Variants in LRP8 observed in about 807,000 individuals in gnomAD.
LRP8 encodes low-density lipoprotein receptor-related protein 8.
Under a neutral mutation model 111.6 loss-of-function variants are expected in LRP8, and 46 were observed. The observed-to-expected ratio is 0.41, with a 90% CI of 0.33 to 0.53. The LOEUF (loss-of-function observed/expected upper bound fraction) is 0.53, where lower values mean the gene tolerates loss of function less well. LRP8 is among the 20% of genes least tolerant of loss of function. The probability of loss-of-function intolerance (pLI) is 0.20; values close to 1 mark genes in which losing one functional copy is unlikely to be tolerated. For synonymous variants in LRP8, 464 were observed against 511.2 expected, an observed-to-expected ratio of 0.91 and a Z score of 1.24; for missense variants, 959 against 1,297.4, an observed-to-expected ratio of 0.74 and a Z score of 4.01.
chr1:53,295,676 T>C (rs1301040428), intron 2 of LRP8, among the ~76,000 whole-genome samples: 2 of 152,086 alleles, frequency 1.3e-5, no homozygotes, highest in African/African-American at 4.8e-5. Flanking sequence ...ACACTTATTA[T>C]TTTCCCCCTT....
chr1:53,253,882 A>G (rs1189056945), intron 16 of LRP8, among the ~76,000 whole-genome samples: 1 of 152,226 alleles, frequency 6.6e-6, no homozygotes, highest in Non-Finnish European at 1.5e-5. Flanking sequence ...ATCATAGCAC[A>G]TAATGACATG....
At chr1:53,254,876 G>C (rs1029546868) in intron 16 of LRP8, among the ~76,000 whole-genome samples, 1 of 152,092 alleles carries the variant, frequency 6.6e-6, no homozygotes, top group Non-Finnish European at 1.5e-5. Flanking sequence ...GGAGTGTAGA[G>C]TGTGAATCGA....
chr1:53,305,657 T>C (rs1471380841), intron 2 of LRP8: 2 of 152,254 alleles, frequency 1.3e-5, no homozygotes, highest in African/African-American at 4.8e-5. Context: ...ACAATGGTTA[T>C]AACGCCAAGC....
Position 53,277,024 on chromosome 1 carries a change from A to G in LRP8, c.551T>C (p.Phe184Ser). 2.6e-6 allele frequency: 4 copies of G among 1,521,376 alleles called. No homozygotes were observed. Among genetic ancestry groups the G allele is most frequent in the Non-Finnish European group, 3.5e-6 (4 of 1,139,094 alleles). 94.2% of individuals were successfully genotyped at this position (1,521,376 alleles called of 1,614,324 possible). A position where few individuals can be genotyped will look rare whatever the true frequency, so the allele number is the denominator to read the frequency against. ...ACAGTCGTCGTCGCCGTCGCACACG[A>G]ACACGGCGGCCAGGCACGAGCGGTT... ...CGNRSCLAAV[F>S]VCDGDDDCGD... is the part of the protein sequence containing the mutation. Residue 184 changes from phenylalanine (F) to serine (S), a missense_variant, in exon 5 of 19, where the codon TTC becomes TCC. Transcript: ENST00000306052.
chr1:53,315,080 G>A (rs1020335303), intron 2 of LRP8, among the ~76,000 whole-genome samples: 3 of 152,162 alleles, frequency 2.0e-5, no homozygotes, highest in African/African-American at 7.2e-5. Context: ...ACAAAGCCAG[G>A]GGCCAGGCAG....
chr1:53,320,345 G>A (rs1280380269), intron 2 of LRP8, among the ~76,000 whole-genome samples: 1 of 152,198 alleles, frequency 6.6e-6, no homozygotes, highest in Non-Finnish European at 1.5e-5. Flanking sequence ...GGGTGGGGGT[G>A]GGAGGGGGAA....
intron 2 of LRP8, among the ~76,000 whole-genome samples, chr1:53,312,749 G>GT (rs763238283): frequency 2.6e-5 from 4 of 152,148 alleles, no homozygotes; most frequent in Admixed American, 6.5e-5. Flanking sequence ...AGAGAGCAGT[G>GT]GCCAGGGCTT....
chr1:53,259,788 A>G (rs184290378), intron 13 of LRP8, among the ~76,000 whole-genome samples: 9 of 152,274 alleles, frequency 5.9e-5, no homozygotes, highest in Admixed American at 4.6e-4. Context: ...TCCAAAGCCC[A>G]TAAGCCCGCG....
intron 1 of LRP8, 76 bp from the exon 2 acceptor site, chr1:53,327,068 AAG>A: frequency 6.4e-7 from 1 of 1,568,834 alleles, no homozygotes; most frequent in Non-Finnish European, 8.6e-7. Context: ...GGCCACCCGG[AAG>A]GACCCGCTGG....
rs61188489 is a variant in LRP8, at chr1:53,311,665, C to T, written c.244+15208G>A. Reference sequence around the variant, plus strand: ...CCCTACTCCTCTGTCTCTGCCTTCTCTTCCATCTGTCTCCATCTCTCCCTA... The same window carrying T: ...CCCTACTCCTCTGTCTCTGCCTTCTTTTCCATCTGTCTCCATCTCTCCCTA... On this transcript the variant is annotated intron_variant, in intron 2 of 18. Transcript: ENST00000306052. Among the ~76,000 whole-genome samples the T allele has an allele frequency of 2.3e-3, 355 of 151,806 alleles. 1 individual carries two copies. The highest frequency in any genetic ancestry group is 8.2e-3 in the African/African-American group (338 of 41,154).
Position 53,303,465 on chromosome 1 carries a change from C to T in LRP8, c.245-13776G>A, listed in dbSNP as rs542865267. Reference sequence around the variant, plus strand: ...CATGGCAACCTCAGCAAAGCAATTGCACTCCTCCCAAGACCCAGTCAGGAA... The same window carrying T: ...CATGGCAACCTCAGCAAAGCAATTGTACTCCTCCCAAGACCCAGTCAGGAA... On this transcript the variant is annotated intron_variant, in intron 2 of 18. Coordinates refer to ENST00000306052, the MANE Select transcript of LRP8 (RefSeq NM_004631.5). This position sits in a 1 kb window ranked among gnomAD's most constrained non-coding sequence, Gnocchi z 4.3. Among the ~76,000 whole-genome samples, 4 of 152,342 alleles carry T rather than the reference C, an allele frequency of 2.6e-5. No homozygotes were observed. The South Asian group carries it at 8.3e-4, about 32-fold the overall frequency.
At chr1:53,296,086 A>C (rs1303940969) in intron 2 of LRP8, among the ~76,000 whole-genome samples, 2 of 152,158 alleles carry the variant, frequency 1.3e-5, no homozygotes, top group Non-Finnish European at 2.9e-5. Context: ...CAGAGCAGGG[A>C]CACGTCTAGA....
intron 2 of LRP8, among the ~76,000 whole-genome samples, chr1:53,325,596 C>T (rs1356228990): frequency 2.0e-5 from 3 of 152,218 alleles, no homozygotes; most frequent in Non-Finnish European, 4.4e-5. Flanking sequence ...AGTTCTGCCA[C>T]GCACAAGACA....
chr1:53,320,732 C>T (rs917006329), intron 2 of LRP8, among the ~76,000 whole-genome samples: 8 of 152,222 alleles, frequency 5.3e-5, no homozygotes. Flanking sequence ...GGGTCCCTCC[C>T]CAGTCCCACT....
chr1:53,315,473 G>A (rs147370278), intron 2 of LRP8, among the ~76,000 whole-genome samples: 9 of 152,336 alleles, frequency 5.9e-5, no homozygotes, highest in South Asian at 2.1e-4. Flanking sequence ...CTTGAGGGGC[G>A]GCTCCATCCT....
At position 53,250,956 on chromosome 1, in the gene LRP8, C is replaced by G; in HGVS notation, c.2504-94G>C. On this transcript the variant is annotated intron_variant, in intron 16 of 18. Coordinates refer to ENST00000306052, the MANE Select transcript of LRP8 (RefSeq NM_004631.5). This position sits in a 1 kb window ranked among gnomAD's most constrained non-coding sequence, Gnocchi z 4.6. ...GCTTGTCACCACTCCACTTTTACTACCCTTTGCTCCTCAGGCTCTGTTTCT... is the reference window on the plus strand; with the variant it reads ...GCTTGTCACCACTCCACTTTTACTAGCCTTTGCTCCTCAGGCTCTGTTTCT... The G allele has an allele frequency of 9.9e-7, 1 of 1,010,172 alleles. No individual in the cohort carries two copies. Among genetic ancestry groups the G allele is most frequent in the South Asian group, 1.4e-5 (1 of 71,080 alleles). The allele number at this position is 1,010,172 out of a possible 1,614,324, so 62.6% of individuals were successfully genotyped here.
chr1:53,301,308 G>A (rs1279646364), intron 2 of LRP8, among the ~76,000 whole-genome samples: 1 of 152,226 alleles, frequency 6.6e-6, no homozygotes, highest in Non-Finnish European at 1.5e-5. Flanking sequence ...GTATGGAGTT[G>A]AGTGACAGGT....
intron 9 of LRP8, among the ~76,000 whole-genome samples, chr1:53,265,137 T>C (rs527501569): frequency 2.6e-5 from 4 of 152,054 alleles, no homozygotes; most frequent in Non-Finnish European, 5.9e-5. Context: ...CCAGTGAGAA[T>C]GGAAAGAAGG....
rs1645697611 is a variant in LRP8 at position 53,245,016 on chromosome 1, T to C, written c.*2002A>G. 1 of 152,214 alleles carries C rather than the reference T, an allele frequency of 6.6e-6. No homozygotes were observed. Among genetic ancestry groups the C allele is most frequent in the Admixed American group, 6.5e-5 (1 of 15,282 alleles). 9.4% of individuals were successfully genotyped at this position (152,214 alleles called of 1,614,324 possible). A position where few individuals can be genotyped will look rare whatever the true frequency, so the allele number is the denominator to read the frequency against. ...CAGGACTATCAACACATGCATGTCA[T>C]GAGGAGATTGCTGGATTATGCAAAA... is the stretch of plus-strand genomic sequence containing the variant. On this transcript the variant is annotated 3_prime_UTR_variant, in exon 19 of 19. Coordinates refer to ENST00000306052, the MANE Select transcript of LRP8 (RefSeq NM_004631.5).
Sources: allele counts gnomAD v4.1 joint callset (sites outside exome capture counted in the v4.1 genomes callset), GRCh38; gene constraint gnomAD v4.1.1; non-coding constraint Gnocchi (gnomAD v3.1); transcripts MANE v1.5; gene names NCBI Gene and HGNC (gene_info 2026-07-23, HGNC 2026-07-21).